Variants in ANKFY1 observed in about 807,000 individuals in gnomAD.
ANKFY1 encodes ankyrin repeat and FYVE domain-containing protein 1.
ANKFY1 carries 47 observed loss-of-function variants against 128.3 expected under a neutral mutation model. That is an observed-to-expected ratio of 0.37 (90% confidence interval 0.29 to 0.47). The LOEUF is 0.47. Ranked by LOEUF, ANKFY1 falls within the 20% of genes least tolerant of loss-of-function variation. The probability of loss-of-function intolerance (pLI) is 1.00; values close to 1 mark genes in which losing one functional copy is unlikely to be tolerated. For synonymous variants in ANKFY1, 553 were observed against 601.6 expected (o/e 0.92, Z 1.18); for missense variants, 1,222 against 1,510.6 (o/e 0.81, Z 3.17).
At chr17:4,241,250 A>G (rs926143979) in intron 2 of ANKFY1, among the ~76,000 whole-genome samples, 42 of 149,100 alleles carry the variant, frequency 2.8e-4, no homozygotes, top group African/African-American at 1.0e-3. Context: ...ATAAGTCGCC[A>G]GCTGAGCTTC....
chr17:4,232,832 C>T (rs1247494126), intron 3 of ANKFY1, among the ~76,000 whole-genome samples: 1 of 151,970 alleles, frequency 6.6e-6, no homozygotes, highest in Non-Finnish European at 1.5e-5. Context: ...CTTTTTATTC[C>T]TTGATGTAAT....
Position 4,163,830 on chromosome 17 carries a change from A to G in ANKFY1, c.*3949T>C, listed in dbSNP as rs1259164847. ...TTATTCACGTCAGGAGTTTTCTAAA[A>G]TTTGTTTTTAATGCTTATTGGTACT... On this transcript the variant is annotated 3_prime_UTR_variant, in exon 25 of 25. Transcript: ENST00000341657. The G allele has an allele frequency of 6.6e-6, 1 of 152,624 alleles. No homozygotes were observed. The highest frequency in any genetic ancestry group is 2.4e-5 in the African/African-American group (1 of 41,476). 9.5% of individuals were successfully genotyped at this position (152,624 alleles called of 1,614,324 possible).
At chr17:4,261,585 T>A (rs1968419313) in intron 1 of ANKFY1, among the ~76,000 whole-genome samples, 1 of 152,224 alleles carries the variant, frequency 6.6e-6, no homozygotes, top group African/African-American at 2.4e-5. Context: ...GTCTTCTTCG[T>A]GTGTTTATGG....
intron 3 of ANKFY1, chr17:4,223,345 C>G (rs2060360686): frequency 1.9e-6 from 3 of 1,566,658 alleles, no homozygotes; most frequent in Non-Finnish European, 2.6e-6. Context: ...CTCAACAAGA[C>G]CTGGTACACA....
chr17:4,200,205 G>C (rs963497894), intron 7 of ANKFY1, among the ~76,000 whole-genome samples: 2 of 152,030 alleles, frequency 1.3e-5, no homozygotes, highest in Non-Finnish European at 2.9e-5. Context: ...GGGACTACAG[G>C]TGCACGCCAA....
chr17:4,197,791 C>T (rs2059853454), intron 7 of ANKFY1, among the ~76,000 whole-genome samples: 1 of 152,300 alleles, frequency 6.6e-6, no homozygotes, highest in East Asian at 1.9e-4. Context: ...TTACCTGTTA[C>T]CACTTGTCCT....
chr17:4,222,908 C>T (rs547526418), intron 3 of ANKFY1: 5 of 1,149,640 alleles, frequency 4.3e-6, no homozygotes, highest in Middle Eastern at 2.0e-4. Context: ...CTCCTATCAC[C>T]AGCTCCTCAG....
intron 11 of ANKFY1, chr17:4,186,874 T>G: frequency 5.8e-6 from 6 of 1,034,746 alleles, no homozygotes; most frequent in Non-Finnish European, 7.0e-6. Context: ...ATTTTCCCAC[T>G]GCCTGTTAGA....
chr17:4,216,869 A>G, intron 4 of ANKFY1, 114 bp downstream of exon 4: 1 of 1,456,126 alleles, frequency 6.9e-7, no homozygotes, highest in Non-Finnish European at 9.4e-7. Context: ...CCTTTAAAGG[A>G]ACACCTTGCC....
rs2059302501 is a variant in ANKFY1 at position 4,170,779 on chromosome 17, G to A, written c.3222C>T (p.Asn1074=). 5.0e-6 allele frequency: 8 copies of A among 1,614,190 alleles called. No individual in the cohort carries two copies. Among genetic ancestry groups the A allele is most frequent in the Non-Finnish European group, 6.8e-6 (8 of 1,180,020 alleles). Residue 1074 remains asparagine (N), a synonymous_variant, in exon 23 of 25, where the codon AAC becomes AAT. Transcript: ENST00000341657. ...AGTTGAAGATGTTGACTCCCTGGTT[G>A]TTATTCACCCCGAGGCGAGCCCCCG... The part of the protein sequence containing the change: ...VRSGARLGVN[N]NQGVNIFNYQ...
chr17:4,163,868 G>T lies in ANKFY1; in HGVS notation c.*3911C>A, dbSNP rs1439248171. On this transcript the variant is annotated 3_prime_UTR_variant, in exon 25 of 25. Coordinates refer to ENST00000341657, the MANE Select transcript of ANKFY1 (RefSeq NM_001330063.2). ...GCTTATTGGTACTTCTGCATTAGAA[G>T]TAACTACAAATGTCTTATTAAAGTT... 6.6e-6 allele frequency: 1 copy of T among 152,620 alleles called. No individual in the cohort carries two copies. The highest frequency in any genetic ancestry group is 2.4e-5 in the African/African-American group (1 of 41,448). 9.5% of individuals were successfully genotyped at this position (152,620 alleles called of 1,614,324 possible). A position where few individuals can be genotyped will look rare whatever the true frequency, so the allele number is the denominator to read the frequency against.
At chr17:4,209,326 A>C (rs1483184083) in intron 5 of ANKFY1, among the ~76,000 whole-genome samples, 1 of 152,156 alleles carries the variant, frequency 6.6e-6, no homozygotes, top group African/African-American at 2.4e-5. Flanking sequence ...CGGGAGACGG[A>C]GTCTCGCTCT....
At position 4,217,767 on chromosome 17, in the gene ANKFY1, C is replaced by T. The variant is rs532299005; in HGVS notation, c.323-649G>A. Among the ~76,000 whole-genome samples the T allele has an allele frequency of 7.9e-5, 12 of 152,212 alleles. No homozygotes were observed. The East Asian group carries it at 1.7e-3, about 22-fold the overall frequency. On this transcript the variant is annotated intron_variant, in intron 3 of 24. Coordinates refer to ENST00000341657, the MANE Select transcript of ANKFY1 (RefSeq NM_001330063.2). ...TGGCACAATCATGCCTCACTGAAGC[C>T]TCGAACTCCCTGGGCTCAAGTGGTC...
At position 4,170,745 on chromosome 17, in the gene ANKFY1, C is replaced by T. The variant is rs757442296; in HGVS notation, c.3256G>A (p.Ala1086Thr). ...QGVNIFNYQV[A>T]TKQLLFRLLD... ...AGTCGGAACAGGAGCTGCTTGGTGG[C>T]GACCTGGTAGTTGAAGATGTTGACT... Residue 1086 changes from alanine to threonine, a missense_variant, in exon 23 of 25, where the codon GCC becomes ACC. By Grantham distance (58) the Ala-to-Thr change is moderately conservative. Coordinates refer to ENST00000341657, the MANE Select transcript of ANKFY1 (RefSeq NM_001330063.2). 4 of 1,613,066 alleles carry T rather than the reference C, an allele frequency of 2.5e-6. No homozygotes were observed. Among genetic ancestry groups the T allele is most frequent in the South Asian group, 2.2e-5 (2 of 90,912 alleles).
chr17:4,191,745 T>C (rs1458577356), intron 10 of ANKFY1, among the ~76,000 whole-genome samples: 2 of 47,296 alleles, frequency 4.2e-5, no homozygotes, highest in African/African-American at 1.0e-4. Context: ...TGCTCTAATC[T>C]GGAGACTCCT....
At chr17:4,251,039 T>C (rs932777762) in intron 1 of ANKFY1, among the ~76,000 whole-genome samples, 1 of 152,142 alleles carries the variant, frequency 6.6e-6, no homozygotes, top group African/African-American at 2.4e-5. Context: ...AGGCTGTGTA[T>C]AAAGCTACAG....
At chr17:4,171,402 C>T (rs770546028) in intron 22 of ANKFY1, among the ~76,000 whole-genome samples, 6 of 152,224 alleles carry the variant, frequency 3.9e-5, no homozygotes, top group Non-Finnish European at 8.8e-5. Flanking sequence ...GCCTTCCCTA[C>T]GAACAATTAC....
intron 2 of ANKFY1, among the ~76,000 whole-genome samples, chr17:4,238,887 T>C (rs539627360): frequency 3.7e-4 from 56 of 152,228 alleles, no homozygotes; most frequent in Non-Finnish European, 6.6e-4. Flanking sequence ...GCCTCCTGAG[T>C]GGCTGGGATT....
At chr17:4,192,584 C>T (rs993650156) in intron 10 of ANKFY1, among the ~76,000 whole-genome samples, 2 of 149,962 alleles carry the variant, frequency 1.3e-5, no homozygotes, top group African/African-American at 4.9e-5. Flanking sequence ...AATCTGGAGA[C>T]TCCTAGTTGA....
Sources: allele counts gnomAD v4.1 joint callset (sites outside exome capture counted in the v4.1 genomes callset), GRCh38; gene constraint gnomAD v4.1.1; transcripts MANE v1.5; gene names NCBI Gene and HGNC (gene_info 2026-07-23, HGNC 2026-07-21).